Variants in ARAP2 observed in about 807,000 individuals in gnomAD.
ARAP2 encodes the protein ArfGAP with RhoGAP domain, ankyrin repeat and PH domain 2.
In ARAP2, 148 loss-of-function variants were observed where a neutral mutation model predicts 194.5. The observed-to-expected ratio is 0.76, with a 90% CI of 0.67 to 0.87. The LOEUF (loss-of-function observed/expected upper bound fraction) is 0.87, where lower values mean the gene tolerates loss of function less well. Ranked by LOEUF, ARAP2 falls within the 40% of genes least tolerant of loss-of-function variation. The probability of loss-of-function intolerance (pLI) is 0.00; values close to 1 mark genes in which losing one functional copy is unlikely to be tolerated. For synonymous variants in ARAP2, 695 were observed against 683.5 expected (o/e 1.02, Z -0.26); for missense variants, 2,128 against 1,989.7 (o/e 1.07, Z -1.32).
intron 5 of ARAP2, among the ~76,000 whole-genome samples, chr4:36,043,511 C>T (rs934036502): frequency 6.6e-6 from 1 of 152,074 alleles, no homozygotes; most frequent in Non-Finnish European, 1.5e-5. Context: ...TAACAGAAAA[C>T]ATTTTCTAAA....
chr4:36,108,065 C>A (rs571654830), intron 26 of ARAP2, among the ~76,000 whole-genome samples: 1 of 151,820 alleles, frequency 6.6e-6, no homozygotes, highest in African/African-American at 2.4e-5. Flanking sequence ...CAGGGTTTCA[C>A]CCTGTCACCT....
Position 36,164,925 on chromosome 4 carries a change from T to C in ARAP2, c.2162A>G (p.Lys721Arg), listed in dbSNP as rs939762172. Residue 721 changes from lysine (K) to arginine (R), a missense_variant, in exon 11 of 33, where the codon AAG (lysine) becomes AGG (arginine). Transcript: ENST00000303965. ...ASINLCVVIC[K>R]KCAGQHRSLG... Reference sequence around the variant, plus strand: ...TTGTCACTAATTACCTGCACACTTCTTACAGATGACAACACAGAGATTGAT... The same window carrying C: ...TTGTCACTAATTACCTGCACACTTCCTACAGATGACAACACAGAGATTGAT... The C allele has an allele frequency of 1.2e-6, 2 of 1,614,014 alleles. No homozygotes were observed. The highest frequency in any genetic ancestry group is 1.7e-6 in the Non-Finnish European group (2 of 1,179,884).
intron 6 of ARAP2, among the ~76,000 whole-genome samples, chr4:36,202,850 C>G (rs1744692800): frequency 6.6e-6 from 1 of 152,120 alleles, no homozygotes; most frequent in Non-Finnish European, 1.5e-5. Flanking sequence ...AAGTCGAGGA[C>G]AGTAACAATA....
At chr4:36,147,879 T>G (rs897098064) in intron 17 of ARAP2, 133 bp from the exon 18 acceptor site, 11 of 748,842 alleles carry the variant, frequency 1.5e-5, no homozygotes, top group Non-Finnish European at 2.1e-5. Context: ...AACACCAAAT[T>G]CAAAACAACT....
At chr4:36,051,064 A>G (rs1473725365) in intron 3 of ARAP2, among the ~76,000 whole-genome samples, 16 of 152,228 alleles carry the variant, frequency 1.1e-4, no homozygotes, top group Non-Finnish European at 1.5e-5. Context: ...TCATATTATC[A>G]TGAATTAATA....
intron 9 of ARAP2, among the ~76,000 whole-genome samples, chr4:36,167,649 A>T (rs112213295): frequency 1.4e-3 from 209 of 152,232 alleles, no homozygotes; most frequent in Non-Finnish European, 2.2e-3. Context: ...ATTTTACCTC[A>T]TTTCCAATAT....
At chr4:36,016,581 A>T (rs1715840379) in intron 6 of ARAP2, among the ~76,000 whole-genome samples, 1 of 152,204 alleles carries the variant, frequency 6.6e-6, no homozygotes, top group South Asian at 2.1e-4. Flanking sequence ...GAAATTTATA[A>T]AACTAATTAG....
At chr4:36,152,315 G>C (rs1731180289) in intron 15 of ARAP2, among the ~76,000 whole-genome samples, 1 of 152,114 alleles carries the variant, frequency 6.6e-6, no homozygotes, top group Non-Finnish European at 1.5e-5. Flanking sequence ...CACAGTGTAT[G>C]TCCTGCACAG....
intron 6 of ARAP2, among the ~76,000 whole-genome samples, chr4:36,017,090 TAAAG>T (rs762217221): frequency 5.5e-5 from 8 of 145,666 alleles, no homozygotes; most frequent in South Asian, 4.6e-4. Context: ...GCCCAGCACA[TAAAG>T]AGACAGTTGA....
chr4:36,185,728 C>A (rs1428347632), intron 8 of ARAP2, among the ~76,000 whole-genome samples: 1 of 151,710 alleles, frequency 6.6e-6, no homozygotes, highest in Non-Finnish European at 1.5e-5. Flanking sequence ...GTAATCCCAG[C>A]ACTTTGGGAG....
At chr4:36,222,242 G>C (rs1237123302) in intron 2 of ARAP2, among the ~76,000 whole-genome samples, 2 of 152,026 alleles carry the variant, frequency 1.3e-5, no homozygotes, top group Non-Finnish European at 2.9e-5. Context: ...ATGAGATGAT[G>C]CTTTTACAGA....
At chr4:36,117,009 C>T (rs140066695) in intron 25 of ARAP2, 52 bp downstream of exon 25, 651 of 1,215,854 alleles carry the variant, frequency 5.4e-4, no homozygotes, top group Non-Finnish European at 7.0e-4. Flanking sequence ...TAAAATAATG[C>T]TAACATTTGT....
At chr4:36,242,313 G>T (rs1342025586) in intron 1 of ARAP2, among the ~76,000 whole-genome samples, 1 of 152,110 alleles carries the variant, frequency 6.6e-6, no homozygotes, top group Non-Finnish European at 1.5e-5. Context: ...TCCAAGAAAT[G>T]TATCAATAAA....
intron 27 of ARAP2, among the ~76,000 whole-genome samples, chr4:36,102,861 A>T (rs1717365457): frequency 6.6e-6 from 1 of 151,948 alleles, no homozygotes; most frequent in African/African-American, 2.4e-5. Flanking sequence ...TCACCACAGA[A>T]TTATATTTTA....
rs1725587221 is a variant in ARAP2 at position 36,066,881 on chromosome 4, C to T, written c.*1026G>A. 1 of 152,104 alleles carries T rather than the reference C, an allele frequency of 6.6e-6. No individual in the cohort carries two copies. The highest frequency in any genetic ancestry group is 1.5e-5 in the Non-Finnish European group (1 of 68,020). The allele number at this position is 152,104 out of a possible 1,614,324, so 9.4% of individuals were successfully genotyped here. A position where few individuals can be genotyped will look rare whatever the true frequency, so the allele number is the denominator to read the frequency against. On this transcript the variant is annotated 3_prime_UTR_variant, in exon 33 of 33. Transcript: ENST00000303965. Reference sequence around the variant, plus strand: ...AACTAGCCCCTGGCTCCATAATGGCCATATATTGTATTCTTCCAGTTATTT... The same window carrying T: ...AACTAGCCCCTGGCTCCATAATGGCTATATATTGTATTCTTCCAGTTATTT...
chr4:36,211,267 C>T (rs1310092222), intron 5 of ARAP2, among the ~76,000 whole-genome samples: 1 of 152,088 alleles, frequency 6.6e-6, no homozygotes, highest in Non-Finnish European at 1.5e-5. Context: ...TTTTGCAATG[C>T]TGATGAGGAA....
At chr4:36,166,395 G>A (rs1735295782) in intron 10 of ARAP2, among the ~76,000 whole-genome samples, 1 of 151,856 alleles carries the variant, frequency 6.6e-6, no homozygotes, top group South Asian at 2.1e-4. Flanking sequence ...TCATAATGAT[G>A]CAATTAGTAG....
intron 3 of ARAP2, among the ~76,000 whole-genome samples, chr4:36,049,009 C>T (rs1416164485): frequency 6.6e-6 from 1 of 152,054 alleles, no homozygotes; most frequent in Admixed American, 6.6e-5. Flanking sequence ...GTGTTTATTA[C>T]TGTAACTTCA....
intron 28 of ARAP2, among the ~76,000 whole-genome samples, chr4:36,089,349 C>T (rs947103344): frequency 3.2e-4 from 48 of 152,010 alleles, no homozygotes; most frequent in Non-Finnish European, 2.5e-4. Flanking sequence ...AGAATATTTT[C>T]CTATTGGTGG....
Sources: allele counts gnomAD v4.1 joint callset (sites outside exome capture counted in the v4.1 genomes callset), GRCh38; gene constraint gnomAD v4.1.1; transcripts MANE v1.5; gene names NCBI Gene and HGNC (gene_info 2026-07-23, HGNC 2026-07-21).